Variants in CPVL observed in about 807,000 individuals in gnomAD.
The protein encoded by CPVL is carboxypeptidase vitellogenic like.
CPVL carries 51 observed loss-of-function variants against 63.7 expected under a neutral mutation model. That is an observed-to-expected ratio of 0.80 (90% CI 0.64 to 1.01). The LOEUF (loss-of-function observed/expected upper bound fraction) is 1.01, where lower values mean the gene tolerates loss of function less well. Among genes scored for constraint, CPVL ranks in the 50% least tolerant of loss-of-function variants. The pLI is 0.00. For synonymous variants in CPVL, 195 were observed against 206.0 expected, an observed-to-expected ratio of 0.95 and a Z score of 0.46; for missense variants, 530 against 573.1, an observed-to-expected ratio of 0.92 and a Z score of 0.77.
chr7:28,999,191 G>A (rs1329737850), intron 12 of CPVL, among the ~76,000 whole-genome samples: 1 of 152,206 alleles, frequency 6.6e-6, no homozygotes, highest in East Asian at 1.9e-4. Context: ...CAGCCTGGGC[G>A]ACAGAGTGAG....
intron 7 of CPVL, among the ~76,000 whole-genome samples, chr7:29,075,744 CTTTTT>C (rs11298240): frequency 2.0e-5 from 3 of 147,632 alleles, no homozygotes; most frequent in Non-Finnish European, 4.5e-5. Flanking sequence ...ATGATCTTAG[CTTTTT>C]TTTTTTTTTA....
chr7:29,046,808 T>C (rs1301192606), intron 11 of CPVL, among the ~76,000 whole-genome samples: 1 of 152,160 alleles, frequency 6.6e-6, no homozygotes, highest in African/African-American at 2.4e-5. Context: ...AGACTGTGGG[T>C]TGCATTTCCT....
At chr7:29,092,173 ATT>A (rs1785880143) in intron 6 of CPVL, among the ~76,000 whole-genome samples, 2 of 135,766 alleles carry the variant, frequency 1.5e-5, no homozygotes, top group African/African-American at 6.6e-5. Context: ...ACAACTTTAC[ATT>A]TTTCCTTTTT....
At chr7:29,093,876 A>T (rs1486944821) in intron 5 of CPVL, among the ~76,000 whole-genome samples, 2 of 152,208 alleles carry the variant, frequency 1.3e-5, no homozygotes, top group Non-Finnish European at 2.9e-5. Context: ...GGACCATCTG[A>T]AAAGTGAGAG....
intron 5 of CPVL, among the ~76,000 whole-genome samples, chr7:29,179,530 T>C (rs865965532): frequency 6.6e-6 from 1 of 152,368 alleles, no homozygotes; most frequent in Middle Eastern, 3.4e-3. Context: ...GGAAAGATTC[T>C]GATACTTGTC....
intron 11 of CPVL, among the ~76,000 whole-genome samples, chr7:29,055,782 C>T (rs1790673111): frequency 6.6e-6 from 1 of 152,174 alleles, no homozygotes; most frequent in Non-Finnish European, 1.5e-5. Flanking sequence ...CCTTCTCTGC[C>T]TTTTGTTTTT....
upstream of CPVL, among the ~76,000 whole-genome samples, chr7:29,148,158 G>A (rs1421711659): frequency 6.6e-6 from 1 of 152,216 alleles, no homozygotes; most frequent in African/African-American, 2.4e-5. Context: ...CTTGAAGCAG[G>A]CTCAGTGCCA....
At chr7:29,022,600 C>A (rs1787112915) in intron 12 of CPVL, among the ~76,000 whole-genome samples, 1 of 152,226 alleles carries the variant, frequency 6.6e-6, no homozygotes. Context: ...CACTGGCATG[C>A]ATACATGCCT....
chr7:29,059,039 G>A (rs1791019261), intron 11 of CPVL, among the ~76,000 whole-genome samples: 1 of 151,802 alleles, frequency 6.6e-6, no homozygotes, highest in East Asian at 1.9e-4. Context: ...CCCTTTATGT[G>A]TATGTTACAT....
Position 29,181,952 on chromosome 7 carries a change from A to T in CPVL, c.-133-540T>A, listed in dbSNP as rs183413957. Among the ~76,000 whole-genome samples, 62 of 152,342 alleles carry T rather than the reference A, an allele frequency of 4.1e-4. No individual in the cohort carries two copies. In the East Asian group the frequency reaches 0.01, roughly 26 times the overall value. On this transcript the variant is annotated intron_variant, in intron 4 of 16. Coordinates refer to the CPVL transcript ENST00000409850. The stretch of plus-strand genomic sequence containing the variant: ...TACTTATCTCTTTTTTGCCTCTAAC[A>T]TATCTACAGTAAGCATGGATTACTT...
chr7:29,096,116 T>C lies in CPVL; in HGVS notation c.390A>G (p.Thr130=), dbSNP rs556466746. The change falls in exon 4 of 13, where the codon ACA becomes ACG. Residue 130 remains threonine, a synonymous_variant. Coordinates refer to ENST00000265394, the MANE Select transcript of CPVL (RefSeq NM_031311.5). Reference sequence around the variant, plus strand: ...AGGGATACTTACAGGTCATGTTACTTGTGACAACATAAGGCCCATGTTCCA... The same window carrying C: ...AGGGATACTTACAGGTCATGTTACTCGTGACAACATAAGGCCCATGTTCCA... The part of the protein sequence containing the change: ...LFVEHGPYVV[T]SNMTLRDRDF... 5 of 1,613,418 alleles carry C rather than the reference T, an allele frequency of 3.1e-6. No individual in the cohort carries two copies. The highest frequency in any genetic ancestry group is 4.2e-6 in the Non-Finnish European group (5 of 1,179,454).
chr7:29,185,120 G>A (rs1798554054), intron 3 of CPVL, among the ~76,000 whole-genome samples: 1 of 152,146 alleles, frequency 6.6e-6, no homozygotes, highest in Admixed American at 6.5e-5. Context: ...GTGGTGTGAA[G>A]TATTTCTCAG....
At chr7:29,022,965 C>T (rs1238148690) in intron 12 of CPVL, among the ~76,000 whole-genome samples, 1 of 152,252 alleles carries the variant, frequency 6.6e-6, no homozygotes, top group Non-Finnish European at 1.5e-5. Flanking sequence ...CACTCCCAGC[C>T]TGTTGCCATC....
chr7:29,092,574 G>C (rs1188844837), intron 6 of CPVL, 49 bp downstream of exon 6: 2 of 1,322,658 alleles, frequency 1.5e-6, no homozygotes, highest in Admixed American at 3.5e-5. Flanking sequence ...TATTGAGATA[G>C]AAAAATGTTT....
chr7:29,189,776 C>T (rs1782651613), intron 1 of CPVL, among the ~76,000 whole-genome samples: 1 of 152,090 alleles, frequency 6.6e-6, no homozygotes, highest in Admixed American at 6.5e-5. Flanking sequence ...ATGTGCCGAT[C>T]TGATCCGCCC....
intron 12 of CPVL, among the ~76,000 whole-genome samples, chr7:28,997,723 C>T (rs964256451): frequency 6.6e-6 from 1 of 152,200 alleles, no homozygotes; most frequent in African/African-American, 2.4e-5. Flanking sequence ...TCAATCATTC[C>T]TTATCTTTGA....
intron 3 of CPVL, among the ~76,000 whole-genome samples, chr7:29,106,204 G>A (rs1054181846): frequency 6.6e-6 from 1 of 152,156 alleles, no homozygotes. Context: ...ACACAGCCTG[G>A]AGCACACGGT....
Position 29,086,551 on chromosome 7 carries a change from C to T in CPVL, c.543-1G>A, listed in dbSNP as rs781037516. 2 of 1,596,492 alleles carry T rather than the reference C, an allele frequency of 1.3e-6. No homozygotes were observed. Among genetic ancestry groups the T allele is most frequent in the East Asian group, 2.2e-5 (1 of 44,726 alleles). On this transcript the variant is annotated splice_acceptor_variant, in intron 6 of 12. Coordinates refer to ENST00000265394, the MANE Select transcript of CPVL (RefSeq NM_031311.5). LOFTEE classifies it high-confidence loss of function. ...TATCTGGAAAAACTGAATTAGTGCA[C>T]TGCAAAAAGAAGAACAAGAACAACA...
At chr7:29,064,296 G>A in intron 10 of CPVL, 62 bp from the exon 11 acceptor site, 3 of 1,048,816 alleles carry the variant, frequency 2.9e-6, no homozygotes, top group Non-Finnish European at 4.3e-6. Context: ...CAGTATGTTG[G>A]GAAAAGCTGT....
Sources: allele counts gnomAD v4.1 joint callset (sites outside exome capture counted in the v4.1 genomes callset), GRCh38; gene constraint gnomAD v4.1.1; transcripts MANE v1.5; gene names NCBI Gene and HGNC (gene_info 2026-07-23, HGNC 2026-07-21).